Variants in FAR2 observed in about 807,000 individuals in gnomAD.
FAR2 encodes epididymis secretory protein Li 81.
A neutral mutation model predicts 56.0 loss-of-function variants in FAR2; 19 were observed. That is an observed-to-expected ratio of 0.34 (90% CI 0.24 to 0.50). FAR2 has a LOEUF of 0.50. Among genes scored for constraint, FAR2 ranks in the 20% least tolerant of loss-of-function variants. The pLI is 0.98. For synonymous variants in FAR2, 219 were observed against 218.8 expected (o/e 1.00, Z -0.01); for missense variants, 508 against 642.2 (o/e 0.79, Z 2.26).
At chr12:29,304,732 C>T (rs759195277) in intron 4 of FAR2, among the ~76,000 whole-genome samples, 1 of 152,104 alleles carries the variant, frequency 6.6e-6, no homozygotes, top group Non-Finnish European at 1.5e-5. Flanking sequence ...TATATGTGAA[C>T]ACACATAGAC....
chr12:29,310,175 C>A (rs532841419), intron 6 of FAR2, among the ~76,000 whole-genome samples: 2 of 152,280 alleles, frequency 1.3e-5, no homozygotes, highest in African/African-American at 4.8e-5. Context: ...CTTAGAACAT[C>A]ATTATTTTAA....
Position 29,235,621 on chromosome 12 carries a change from G to C in FAR2, c.-38-34791G>C, listed in dbSNP as rs1947927721. On this transcript the variant is annotated intron_variant, in intron 1 of 11. Transcript: ENST00000536681. ...TTTTTCTCCTGTGGTAAACCTATAA[G>C]CCATGCAAGAACTTTTCACTGCATG... Among the ~76,000 whole-genome samples, 6 of 152,272 alleles carry C rather than the reference G, an allele frequency of 3.9e-5. No homozygotes were observed. The South Asian group carries it at 1.2e-3, about 32-fold the overall frequency.
intron 1 of FAR2, among the ~76,000 whole-genome samples, chr12:29,175,471 A>C (rs1210925978): frequency 1.3e-5 from 2 of 152,220 alleles, no homozygotes; most frequent in Non-Finnish European, 2.9e-5. Context: ...GAGCAGCAGC[A>C]AGATTTATTG....
chr12:29,215,447 C>A (rs927465704), intron 1 of FAR2, among the ~76,000 whole-genome samples: 4 of 152,150 alleles, frequency 2.6e-5, no homozygotes, highest in Admixed American at 1.3e-4. Context: ...CCCGTAGTCA[C>A]AGGCATCTTT....
chr12:29,218,275 C>T (rs1054850930), intron 1 of FAR2, among the ~76,000 whole-genome samples: 7 of 151,624 alleles, frequency 4.6e-5, no homozygotes, highest in African/African-American at 1.7e-4. Context: ...AGAAGAATGG[C>T]GTGAACCTGG....
chr12:29,288,464 TC>T lies in FAR2; in HGVS notation c.190-4835del, dbSNP rs199962606. Among the ~76,000 whole-genome samples the T allele has an allele frequency of 6.1e-3, 925 of 152,314 alleles. 4 individuals carry two copies. The highest frequency in any genetic ancestry group is 0.027 in the Middle Eastern group (8 of 294). ...ATGAAATTTCTGAAATTCTGTTTTT[TC>T]TTTACTCATTTTGATTTCATCTATT... On this transcript the variant is annotated intron_variant, in intron 2 of 11. Coordinates refer to ENST00000536681, the MANE Select transcript of FAR2 (RefSeq NM_001271783.2).
chr12:29,300,893 T>C (rs1484246033), intron 4 of FAR2, among the ~76,000 whole-genome samples: 1 of 152,220 alleles, frequency 6.6e-6, no homozygotes, highest in African/African-American at 2.4e-5. Flanking sequence ...TATGCATTTT[T>C]GGCCCGGACC....
chr12:29,244,520 T>A (rs1948093278), intron 1 of FAR2, among the ~76,000 whole-genome samples: 1 of 152,172 alleles, frequency 6.6e-6, no homozygotes, highest in Non-Finnish European at 1.5e-5. Flanking sequence ...AGACCAGGAT[T>A]TCAGAGAAAA....
At chr12:29,223,343 G>A (rs1157107510) in intron 1 of FAR2, among the ~76,000 whole-genome samples, 2 of 152,170 alleles carry the variant, frequency 1.3e-5, no homozygotes, top group Admixed American at 1.3e-4. Flanking sequence ...AAACTGGGAG[G>A]TAGGTAGGAG....
intron 1 of FAR2, among the ~76,000 whole-genome samples, chr12:29,245,549 AG>A (rs1361869203): frequency 6.6e-6 from 1 of 152,212 alleles, no homozygotes; most frequent in Non-Finnish European, 1.5e-5. Context: ...TTTGCGTTAA[AG>A]TATGAGAACC....
intron 3 of FAR2, among the ~76,000 whole-genome samples, chr12:29,295,444 T>C (rs1222136312): frequency 5.9e-5 from 9 of 152,298 alleles, no homozygotes; most frequent in African/African-American, 2.2e-4. Flanking sequence ...TTTAAGATAA[T>C]TTTGCCAGGT....
intron 1 of FAR2, among the ~76,000 whole-genome samples, chr12:29,208,279 T>G (rs1420125613): frequency 2.0e-5 from 3 of 152,160 alleles, no homozygotes; most frequent in Non-Finnish European, 4.4e-5. Context: ...GCTGGTGACC[T>G]CCACAGAGTG....
intron 2 of FAR2, among the ~76,000 whole-genome samples, chr12:29,279,756 C>T (rs2136722885): frequency 6.6e-6 from 1 of 152,212 alleles, no homozygotes; most frequent in African/African-American, 2.4e-5. Flanking sequence ...ACTCTCTCCT[C>T]AATCAGAGAG....
intron 10 of FAR2, among the ~76,000 whole-genome samples, chr12:29,324,505 T>C (rs1949610612): frequency 6.6e-6 from 1 of 152,134 alleles, no homozygotes; most frequent in Admixed American, 6.5e-5. Context: ...GAGAGAAAGG[T>C]CGGGTTACCC....
chr12:29,165,266 A>G lies in FAR2; in HGVS notation c.-39+15859A>G, dbSNP rs551941515. Among the ~76,000 whole-genome samples the G allele has an allele frequency of 2.6e-5, 4 of 152,334 alleles. No individual in the cohort carries two copies. In the East Asian group the frequency reaches 7.7e-4, roughly 29 times the overall value. Reference sequence around the variant, plus strand: ...CTCTTGTTGGTGTCACCCTAGTGATACATTTTACACAAAAGAAGGAAATAC... The same window carrying G: ...CTCTTGTTGGTGTCACCCTAGTGATGCATTTTACACAAAAGAAGGAAATAC... On this transcript the variant is annotated intron_variant, in intron 1 of 11. Transcript: ENST00000536681.
intron 1 of FAR2, among the ~76,000 whole-genome samples, chr12:29,220,890 G>GC (rs1947679736): frequency 6.6e-6 from 1 of 152,144 alleles, no homozygotes; most frequent in Non-Finnish European, 1.5e-5. Context: ...TGCATGGTTT[G>GC]ACCTTCGACT....
chr12:29,300,100 A>T (rs567520301), intron 4 of FAR2, among the ~76,000 whole-genome samples: 1 of 149,062 alleles, frequency 6.7e-6, no homozygotes, highest in African/African-American at 2.4e-5. Context: ...TTGGTGGCAT[A>T]GACGATTATT....
intron 1 of FAR2, among the ~76,000 whole-genome samples, chr12:29,159,169 T>C (rs563114865): frequency 3.5e-4 from 53 of 152,312 alleles, no homozygotes; most frequent in Admixed American, 8.5e-4. Flanking sequence ...ATCTTTATTT[T>C]CCCTTCTTCC....
chr12:29,333,872 A>C lies in FAR2; in HGVS notation c.*78A>C. The C allele has an allele frequency of 1.5e-6, 2 of 1,375,332 alleles. No individual in the cohort carries two copies. Among genetic ancestry groups the C allele is most frequent in the Non-Finnish European group, 2.0e-6 (2 of 989,532 alleles). 85.2% of individuals were successfully genotyped at this position (1,375,332 alleles called of 1,614,324 possible). On this transcript the variant is annotated 3_prime_UTR_variant, in exon 12 of 12. Coordinates refer to ENST00000536681, the MANE Select transcript of FAR2 (RefSeq NM_001271783.2). ...GCAAACTGTGATTCTCAAGATTAGAAAGTAACAAGGAATATGCCCAAACTG... is the reference window on the plus strand; with the variant it reads ...GCAAACTGTGATTCTCAAGATTAGACAGTAACAAGGAATATGCCCAAACTG...
Sources: allele counts gnomAD v4.1 joint callset (sites outside exome capture counted in the v4.1 genomes callset), GRCh38; gene constraint gnomAD v4.1.1; transcripts MANE v1.5; gene names NCBI Gene and HGNC (gene_info 2026-07-23, HGNC 2026-07-21).